Variants in NCKAP5 observed in about 807,000 individuals in gnomAD.
The protein encoded by NCKAP5 is NCK associated protein 5.
Under a neutral mutation model 167.0 loss-of-function variants are expected in NCKAP5, and 92 were observed. The ratio of observed to expected loss-of-function variants is 0.55; its 90% CI spans 0.47 to 0.66. The LOEUF (loss-of-function observed/expected upper bound fraction) is 0.66. NCKAP5 is among the 30% of genes least tolerant of loss of function. The pLI, the probability that NCKAP5 is intolerant of heterozygous loss-of-function variation, is 0.00. For missense variants in NCKAP5, 2,378 were observed against 2,315.0 expected, an observed-to-expected ratio of 1.03 and a Z score of -0.56; for synonymous variants, 891 against 877.4, an observed-to-expected ratio of 1.02 and a Z score of -0.27.
chr2:133,074,287 GA>G (rs372224003), intron 6 of NCKAP5, among the ~76,000 whole-genome samples: 1,610 of 145,074 alleles, frequency 0.011, 28 homozygotes, highest in African/African-American at 0.039. Context: ...GATATTCCAT[GA>G]AAAAAAAAAC....
intron 4 of NCKAP5, among the ~76,000 whole-genome samples, chr2:133,218,110 A>G (rs1029120543): frequency 1.3e-5 from 2 of 152,072 alleles, no homozygotes; most frequent in Non-Finnish European, 2.9e-5. Context: ...GTTATGGGTT[A>G]TTATCTATTG....
intron 3 of NCKAP5, among the ~76,000 whole-genome samples, chr2:133,496,190 G>T (rs1681932073): frequency 6.6e-6 from 1 of 152,130 alleles, no homozygotes; most frequent in Non-Finnish European, 1.5e-5. Context: ...ATAAAATCTT[G>T]CAGAAAAAGG....
chr2:133,554,997 T>C (rs1181601396), intron 2 of NCKAP5, among the ~76,000 whole-genome samples: 1 of 152,114 alleles, frequency 6.6e-6, no homozygotes. Context: ...GTTGTCTTGG[T>C]GTTATTTGGC....
the NCKAP5 span, among the ~76,000 whole-genome samples, chr2:133,593,772 C>A: frequency 2.0e-5 from 3 of 152,192 alleles, no homozygotes; most frequent in African/African-American, 7.2e-5. Flanking sequence ...TCTTCTCTTC[C>A]AGCCTCTGTT....
the NCKAP5 span, among the ~76,000 whole-genome samples, chr2:133,594,016 G>A: frequency 6.6e-6 from 1 of 152,184 alleles, no homozygotes; most frequent in Non-Finnish European, 1.5e-5. Context: ...ATAAATACAC[G>A]CTGTACTTTC....
the NCKAP5 span, among the ~76,000 whole-genome samples, chr2:133,587,892 C>T: frequency 1.3e-5 from 2 of 152,164 alleles, no homozygotes; most frequent in Non-Finnish European, 2.9e-5. Flanking sequence ...TAACTTTTAT[C>T]GCCTGACAAG....
chr2:132,708,769 T>C (rs1001964896), intron 19 of NCKAP5, among the ~76,000 whole-genome samples: 1 of 152,222 alleles, frequency 6.6e-6, no homozygotes, highest in Non-Finnish European at 1.5e-5. Context: ...TTCTATTATA[T>C]TGTTGTCTTC....
intron 7 of NCKAP5, among the ~76,000 whole-genome samples, chr2:132,964,903 C>T (rs192740803): frequency 4.6e-5 from 7 of 152,008 alleles, no homozygotes; most frequent in Non-Finnish European, 1.0e-4. Context: ...AAAAAAACCA[C>T]GGCGTTTTCA....
rs549400907 is a variant in NCKAP5, at chr2:132,933,087, G to A, written c.579+30633C>T. Among the ~76,000 whole-genome samples, 6 of 152,074 alleles carry A rather than the reference G, an allele frequency of 3.9e-5. No individual in the cohort carries two copies. The South Asian group carries it at 1.2e-3, about 32-fold the overall frequency. On this transcript the variant is annotated intron_variant, in intron 8 of 19. Transcript: ENST00000409261. ...CTACAGGCACCTGCCACCACGCGTGGCTAATATTTTTGTATTTTTAGTAGA... is the reference window on the plus strand; with the variant it reads ...CTACAGGCACCTGCCACCACGCGTGACTAATATTTTTGTATTTTTAGTAGA...
intron 8 of NCKAP5, among the ~76,000 whole-genome samples, chr2:132,928,166 G>C (rs1423639122): frequency 6.6e-6 from 1 of 152,154 alleles, no homozygotes; most frequent in Non-Finnish European, 1.5e-5. Context: ...AACTGGACTT[G>C]AATAAGTTAG....
chr2:133,527,137 C>A (rs1436379430), intron 2 of NCKAP5: 1 of 152,006 alleles, frequency 6.6e-6, no homozygotes, highest in Admixed American at 6.6e-5. Flanking sequence ...ACAGTATTTT[C>A]CATCTGGGGC....
At position 132,765,164 on chromosome 2, in the gene NCKAP5, C is replaced by T. The variant is rs76424965; in HGVS notation, c.5128+8652G>A. Among the ~76,000 whole-genome samples, 108 of 152,268 alleles carry T rather than the reference C, an allele frequency of 7.1e-4. 2 individuals carry two copies. In the East Asian group the frequency reaches 0.014, roughly 20 times the overall value. On this transcript the variant is annotated intron_variant, in intron 16 of 19. Transcript: ENST00000409261. Reference sequence around the variant, plus strand: ...AATTAATCCAAGTTCAACATATTTTCTCAAAAAGTTACTCAAGGTTAACTG... The same window carrying T: ...AATTAATCCAAGTTCAACATATTTTTTCAAAAAGTTACTCAAGGTTAACTG...
chr2:133,568,593 A>G (rs909763636), upstream of NCKAP5: 6 of 152,252 alleles, frequency 3.9e-5, no homozygotes, highest in African/African-American at 1.2e-4. Flanking sequence ...TCTCTTCTGC[A>G]GCAAAATCGG....
At chr2:132,924,202 C>A (rs1449990811) in intron 8 of NCKAP5, among the ~76,000 whole-genome samples, 1 of 152,082 alleles carries the variant, frequency 6.6e-6, no homozygotes, top group Admixed American at 6.6e-5. Context: ...GTGAAAAAAG[C>A]CATTATTCCA....
At position 133,231,175 on chromosome 2, in the gene NCKAP5, C is replaced by T. The variant is rs1250648961; in HGVS notation, c.144-17396G>A. Among the ~76,000 whole-genome samples, 4 of 152,154 alleles carry T rather than the reference C, an allele frequency of 2.6e-5. No homozygotes were observed. In the East Asian group the frequency reaches 5.8e-4, roughly 22 times the overall value. On this transcript the variant is annotated intron_variant, in intron 4 of 19. Transcript: ENST00000409261. ...ATAAAGAATGGAGAAAATGGAGGCTCAAAGAGGTTGAGTATTTTATTGAGA... is the reference window on the plus strand; with the variant it reads ...ATAAAGAATGGAGAAAATGGAGGCTTAAAGAGGTTGAGTATTTTATTGAGA...
At chr2:133,243,290 T>C (rs2150308072) in intron 4 of NCKAP5, among the ~76,000 whole-genome samples, 1 of 152,274 alleles carries the variant, frequency 6.6e-6, no homozygotes, top group East Asian at 1.9e-4. Flanking sequence ...TCTAATCAAA[T>C]TGTGGATGTA....
intron 6 of NCKAP5, among the ~76,000 whole-genome samples, chr2:133,072,239 T>C (rs976198255): frequency 4.6e-5 from 7 of 152,068 alleles, no homozygotes. Flanking sequence ...CTGTGCACCA[T>C]CACACCCAGC....
chr2:133,308,751 G>A (rs1407400767), intron 3 of NCKAP5, among the ~76,000 whole-genome samples: 1 of 129,962 alleles, frequency 7.7e-6, no homozygotes, highest in Non-Finnish European at 1.6e-5. Flanking sequence ...GCCCAGGCCG[G>A]ACTGCGGACT....
rs749407465 is a variant in NCKAP5 at position 132,782,638 on chromosome 2, G to C, written c.4173C>G (p.Phe1391Leu). 1.9e-6 allele frequency: 3 copies of C among 1,607,246 alleles called. No individual in the cohort carries two copies. In the South Asian group the frequency reaches 3.3e-5, roughly 18 times the overall value. ...TGGCACTGGGGCACTCTCCCTGGGT[G>C]AAGGCCTGCTGGTCTTCCTTTCCAG... The part of the protein sequence containing the change: ...IPPGKEDQQA[F>L]TQGECPSANV... Residue 1391 changes from phenylalanine to leucine, a missense_variant, in exon 14 of 20, where the codon TTC becomes TTG. Phe to Leu is a conservative substitution (Grantham distance 22). Around this residue, in one of 3 missense-constraint regions of NCKAP5, gnomAD observed 1,325 missense variants for 1,274.5 expected, o/e 1.04. Transcript: ENST00000409261.
Sources: allele counts gnomAD v4.1 joint callset (sites outside exome capture counted in the v4.1 genomes callset), GRCh38; gene constraint gnomAD v4.1.1; regional missense constraint gnomAD v4.1.1; transcripts MANE v1.5; gene names NCBI Gene and HGNC (gene_info 2026-07-23, HGNC 2026-07-21).